The following SGCZ variants were observed in gnomAD, a reference collection of about 807,000 sequenced individuals.
SGCZ encodes the protein zeta-sarcoglycan.
In SGCZ, 40 loss-of-function variants were observed where a neutral mutation model predicts 41.3. The ratio of observed to expected loss-of-function variants is 0.97; its 90% confidence interval spans 0.75 to 1.26. The LOEUF is 1.26. SGCZ is among the 50% of genes most tolerant of loss of function. The pLI is 0.00. For missense variants in SGCZ, 552 were observed against 369.8 expected, an observed-to-expected ratio of 1.49 and a Z score of -4.04; for synonymous variants, 206 against 137.5, an observed-to-expected ratio of 1.50 and a Z score of -3.49.
intron 1 of SGCZ, among the ~76,000 whole-genome samples, chr8:14,704,425 T>C (rs933092067): frequency 6.6e-6 from 1 of 152,140 alleles, no homozygotes. Flanking sequence ...CCAAATTAAA[T>C]TTTGATAAGT....
chr8:14,609,564 T>G (rs1290532855), intron 1 of SGCZ, among the ~76,000 whole-genome samples: 1 of 152,200 alleles, frequency 6.6e-6, no homozygotes, highest in Admixed American at 6.5e-5. Context: ...CAACACTATA[T>G]GAGGTTCAGA....
At chr8:15,099,171 C>G (rs1276589897) in intron 1 of SGCZ, among the ~76,000 whole-genome samples, 5 of 152,114 alleles carry the variant, frequency 3.3e-5, no homozygotes, top group Admixed American at 1.3e-4. Context: ...ATAGGTAAAG[C>G]CAAATAAGAG....
intron 1 of SGCZ, among the ~76,000 whole-genome samples, chr8:15,041,092 CTA>C (rs1174572531): frequency 6.6e-6 from 1 of 151,712 alleles, no homozygotes; most frequent in African/African-American, 2.4e-5. Context: ...ACATATCAAA[CTA>C]TTTTTTAGAG....
chr8:14,185,953 C>T (rs546821680), intron 4 of SGCZ, among the ~76,000 whole-genome samples: 6 of 152,284 alleles, frequency 3.9e-5, no homozygotes, highest in African/African-American at 1.4e-4. Flanking sequence ...TTGGAATCTG[C>T]GTTTCTAATC....
intron 1 of SGCZ, among the ~76,000 whole-genome samples, chr8:14,644,296 C>T (rs760288222): frequency 6.6e-6 from 1 of 151,588 alleles, no homozygotes; most frequent in Non-Finnish European, 1.5e-5. Flanking sequence ...CAGTTGAAGG[C>T]CTTAGGGGCA....
chr8:14,558,014 G>C (rs1412781645), intron 1 of SGCZ, among the ~76,000 whole-genome samples: 3 of 152,062 alleles, frequency 2.0e-5, no homozygotes, highest in Non-Finnish European at 4.4e-5. Flanking sequence ...AAATACAGAA[G>C]ATCATTTAAG....
chr8:14,456,821 A>G (rs34946059), intron 2 of SGCZ, among the ~76,000 whole-genome samples: 48,840 of 152,002 alleles, frequency 0.32, 8,011 homozygotes, highest in African/African-American at 0.37. Context: ...CTCGTGGCAT[A>G]CTGCTGTCTT....
intron 3 of SGCZ, among the ~76,000 whole-genome samples, chr8:14,293,830 G>T (rs1173801222): frequency 1.3e-5 from 2 of 151,750 alleles, no homozygotes; most frequent in Non-Finnish European, 3.0e-5. Flanking sequence ...ATTATCAGTT[G>T]TCTTTAGAAG....
intron 1 of SGCZ, among the ~76,000 whole-genome samples, chr8:14,807,550 A>G (rs1457556892): frequency 3.9e-5 from 6 of 151,956 alleles, no homozygotes; most frequent in East Asian, 3.9e-4. Context: ...TTCAAGGAGA[A>G]CTACAAACCA....
At chr8:14,208,875 G>A (rs1585233558) in intron 4 of SGCZ, among the ~76,000 whole-genome samples, 1 of 152,144 alleles carries the variant, frequency 6.6e-6, no homozygotes, top group Non-Finnish European at 1.5e-5. Context: ...GAGGGTGGGA[G>A]AGTACTCAGT....
At chr8:14,243,308 C>T (rs1292764972) in intron 3 of SGCZ, among the ~76,000 whole-genome samples, 1 of 152,152 alleles carries the variant, frequency 6.6e-6, no homozygotes, top group African/African-American at 2.4e-5. Context: ...ATCCTCAGTT[C>T]CTCTAATCTT....
At chr8:14,285,581 T>C (rs1338212562) in intron 3 of SGCZ, among the ~76,000 whole-genome samples, 1 of 11,992 alleles carries the variant, frequency 8.3e-5, no homozygotes, top group African/African-American at 1.2e-4. Flanking sequence ...GATTTTTATG[T>C]GTTAAAAATA....
At chr8:14,431,081 G>C (rs1000460866) in intron 2 of SGCZ, among the ~76,000 whole-genome samples, 1 of 152,174 alleles carries the variant, frequency 6.6e-6, no homozygotes, top group African/African-American at 2.4e-5. Flanking sequence ...TCATGGATGA[G>C]TAGAATCAAT....
intron 2 of SGCZ, among the ~76,000 whole-genome samples, chr8:14,457,518 C>T (rs1191719667): frequency 6.6e-6 from 1 of 152,228 alleles, no homozygotes; most frequent in Non-Finnish European, 1.5e-5. Flanking sequence ...TCAGGCTTGC[C>T]TGCAGTTATC....
chr8:14,443,578 G>C (rs1052209251), intron 2 of SGCZ, among the ~76,000 whole-genome samples: 1 of 152,208 alleles, frequency 6.6e-6, no homozygotes, highest in East Asian at 1.9e-4. Flanking sequence ...TCCTATTTAA[G>C]AAATGGTGCT....
intron 4 of SGCZ, among the ~76,000 whole-genome samples, chr8:14,228,395 C>T (rs1461932210): frequency 6.6e-6 from 1 of 151,988 alleles, no homozygotes; most frequent in Non-Finnish European, 1.5e-5. Flanking sequence ...CTTTGTTTAA[C>T]TTATTTTACT....
At chr8:14,283,397 G>A (rs914751350) in intron 3 of SGCZ, among the ~76,000 whole-genome samples, 2 of 152,140 alleles carry the variant, frequency 1.3e-5, no homozygotes, top group Admixed American at 1.3e-4. Flanking sequence ...TGCAAGAGAT[G>A]AGAATATCTA....
At chr8:15,122,898 T>C (rs1207490752) in intron 1 of SGCZ, among the ~76,000 whole-genome samples, 1 of 152,198 alleles carries the variant, frequency 6.6e-6, no homozygotes, top group Non-Finnish European at 1.5e-5. Context: ...CTCTTAATGT[T>C]ACACCATAGA....
chr8:14,707,004 G>A (rs149457101), intron 1 of SGCZ, among the ~76,000 whole-genome samples: 1 of 149,890 alleles, frequency 6.7e-6, no homozygotes, highest in Non-Finnish European at 1.5e-5. Context: ...TTAAGAGCAG[G>A]AGTGAAAGTT....
Sources: allele counts gnomAD v4.1 joint callset (sites outside exome capture counted in the v4.1 genomes callset), GRCh38; gene constraint gnomAD v4.1.1; transcripts MANE v1.5; gene names NCBI Gene and HGNC (gene_info 2026-07-23, HGNC 2026-07-21).